Variants in HELQ observed in about 807,000 individuals in gnomAD.
HELQ encodes the protein helicase, POLQ like, also known as helicase POLQ-like.
In HELQ, 77 loss-of-function variants were observed where a neutral mutation model predicts 111.6. The ratio of observed to expected loss-of-function variants is 0.69; its 90% CI spans 0.57 to 0.83. The LOEUF (loss-of-function observed/expected upper bound fraction) is 0.83. Among genes scored for constraint, HELQ ranks in the 40% least tolerant of loss-of-function variants. HELQ has a pLI of 0.00. For missense variants in HELQ, 1,200 were observed against 1,288.5 expected, an observed-to-expected ratio of 0.93 and a Z score of 1.05; for synonymous variants, 438 against 454.7, an observed-to-expected ratio of 0.96 and a Z score of 0.47.
At chr4:83,432,635 T>A (rs763908363) in intron 9 of HELQ, among the ~76,000 whole-genome samples, 2 of 152,224 alleles carry the variant, frequency 1.3e-5, no homozygotes, top group African/African-American at 2.4e-5. Flanking sequence ...GTTTGGACTT[T>A]ATACTCCATA....
intron 17 of HELQ, among the ~76,000 whole-genome samples, chr4:83,409,667 C>T (rs2109957337): frequency 6.6e-6 from 1 of 151,786 alleles, no homozygotes; most frequent in East Asian, 1.9e-4. Context: ...ACACTCCAAA[C>T]AAAATTAAAT....
chr4:83,412,722 G>T (rs1292812973), intron 17 of HELQ, among the ~76,000 whole-genome samples: 1 of 152,148 alleles, frequency 6.6e-6, no homozygotes, highest in Non-Finnish European at 1.5e-5. Context: ...TACTCATGAG[G>T]CTGAGATGGG....
intron 1 of HELQ, among the ~76,000 whole-genome samples, chr4:83,454,473 G>A (rs1266508054): frequency 1.3e-5 from 2 of 151,782 alleles, no homozygotes; most frequent in African/African-American, 4.8e-5. Flanking sequence ...GCCACTGCAC[G>A]ATCACAGCTC....
At chr4:83,414,691 G>A (rs1200438061) in intron 17 of HELQ, among the ~76,000 whole-genome samples, 2 of 152,080 alleles carry the variant, frequency 1.3e-5, no homozygotes, top group Non-Finnish European at 2.9e-5. Context: ...ATAAATAAAG[G>A]AAAAGCTTTT....
chr4:83,428,845 G>A (rs868448142), intron 12 of HELQ, among the ~76,000 whole-genome samples: 26 of 152,018 alleles, frequency 1.7e-4, no homozygotes, highest in Middle Eastern at 3.4e-3. Flanking sequence ...ATGATTATTT[G>A]TTTAAAGACA....
At chr4:83,448,988 TA>T (rs1188460739) in intron 2 of HELQ, 27 bp from the exon 3 acceptor site, 3 of 1,487,606 alleles carry the variant, frequency 2.0e-6, no homozygotes, top group East Asian at 2.3e-5. Context: ...AAAAAGGCAT[TA>T]TTTTCCCCTT....
chr4:83,437,593 A>G (rs901556112), intron 8 of HELQ, among the ~76,000 whole-genome samples: 1 of 148,814 alleles, frequency 6.7e-6, no homozygotes, highest in East Asian at 2.0e-4. Flanking sequence ...TGAAAGAGCA[A>G]AGCCTTGTCT....
intron 9 of HELQ, among the ~76,000 whole-genome samples, chr4:83,435,333 G>A (rs920972116): frequency 1.3e-5 from 2 of 151,940 alleles, no homozygotes; most frequent in African/African-American, 2.4e-5. Context: ...AAGTCTAAAA[G>A]TTTCTGGAAA....
chr4:83,436,800 C>A (rs955985351), intron 9 of HELQ, 58 bp downstream of exon 9: 9 of 1,548,110 alleles, frequency 5.8e-6, no homozygotes, highest in Non-Finnish European at 7.0e-6. Context: ...CAACAAAACT[C>A]CTCGCAAGCT....
intron 8 of HELQ, among the ~76,000 whole-genome samples, chr4:83,438,335 T>C (rs1355386745): frequency 6.6e-6 from 1 of 152,240 alleles, no homozygotes; most frequent in Admixed American, 6.5e-5. Flanking sequence ...TACTTATCTC[T>C]ATGAATACGA....
At chr4:83,426,170 T>C (rs1364544460) in intron 13 of HELQ, 78 bp from the exon 14 acceptor site, 2 of 742,262 alleles carry the variant, frequency 2.7e-6, no homozygotes, top group African/African-American at 1.8e-5. Context: ...TCTTTTGATA[T>C]CACATTCTCA....
At chr4:83,441,185 T>C (rs1465457998) in intron 7 of HELQ, 120 bp downstream of exon 7, 2 of 645,100 alleles carry the variant, frequency 3.1e-6, no homozygotes, top group East Asian at 6.0e-5. Context: ...GTCCAACAAA[T>C]GTCAAGCATC....
At chr4:83,452,319 T>A (rs530420901) in intron 2 of HELQ, among the ~76,000 whole-genome samples, 1 of 152,262 alleles carries the variant, frequency 6.6e-6, no homozygotes, top group African/African-American at 2.4e-5. Flanking sequence ...AAGACAATAC[T>A]TTTTCCAAAG....
intron 8 of HELQ, among the ~76,000 whole-genome samples, chr4:83,437,681 G>T: frequency 6.6e-6 from 1 of 150,804 alleles, no homozygotes; most frequent in Non-Finnish European, 1.5e-5. Context: ...CAGAGGGTTC[G>T]TGGATTTCCT....
chr4:83,444,791 G>T (rs1351820592), intron 5 of HELQ, among the ~76,000 whole-genome samples: 1 of 152,194 alleles, frequency 6.6e-6, no homozygotes, highest in Non-Finnish European at 1.5e-5. Flanking sequence ...GTCAAATCAA[G>T]AAAGGCTGTG....
intron 3 of HELQ, 150 bp from the exon 4 acceptor site, chr4:83,447,185 A>G (rs1012068696): frequency 1.7e-6 from 1 of 579,034 alleles, no homozygotes; most frequent in South Asian, 2.2e-5. Context: ...TCATCTCTAT[A>G]AAAAATAAAA....
intron 17 of HELQ, among the ~76,000 whole-genome samples, chr4:83,413,444 T>G (rs1358453840): frequency 1.3e-5 from 2 of 152,204 alleles, no homozygotes; most frequent in Admixed American, 6.5e-5. Context: ...AAAAAGACTT[T>G]GAGTTTTTCC....
At chr4:83,453,054 G>C in intron 2 of HELQ, 177 bp downstream of exon 2, 1 of 539,724 alleles carries the variant, frequency 1.9e-6, no homozygotes. Flanking sequence ...GTGAGGGAAG[G>C]AAAGAGGTTC....
intron 2 of HELQ, among the ~76,000 whole-genome samples, chr4:83,451,059 T>G (rs942815149): frequency 2.0e-5 from 3 of 152,204 alleles, no homozygotes; most frequent in African/African-American, 7.2e-5. Flanking sequence ...CCGCTTTAGC[T>G]TAATAAAAAG....
Sources: allele counts gnomAD v4.1 joint callset (sites outside exome capture counted in the v4.1 genomes callset), GRCh38; gene constraint gnomAD v4.1.1; transcripts MANE v1.5; gene names NCBI Gene and HGNC (gene_info 2026-07-23, HGNC 2026-07-21).